The following MYO1D variants were observed in gnomAD, a reference collection of about 807,000 sequenced individuals.
MYO1D encodes myosin ID.
MYO1D carries 83 observed loss-of-function variants against 122.0 expected under a neutral mutation model. The ratio of observed to expected loss-of-function variants is 0.68; its 90% CI spans 0.57 to 0.82. The LOEUF is 0.82. MYO1D is among the 40% of genes least tolerant of loss of function. The pLI, the probability that MYO1D is intolerant of heterozygous loss-of-function variation, is 0.00. For missense variants in MYO1D, 1,157 were observed against 1,269.5 expected (o/e 0.91, Z 1.35); for synonymous variants, 464 against 446.9 (o/e 1.04, Z -0.48).
chr17:32,876,792 G>T lies in MYO1D; in HGVS notation c.81C>A (p.Ala27=), dbSNP rs1434080518. 2.0e-6 allele frequency: 3 copies of T among 1,515,622 alleles called. No homozygotes were observed. The Admixed American group carries it at 6.3e-5, about 32-fold the overall frequency. 93.9% of individuals were successfully genotyped at this position (1,515,622 alleles called of 1,614,324 possible). Reference sequence around the variant, plus strand: ...TCCGCCCTCACCTGAGCCTGAGGTTGGCCATGAACTCGGGCATGGAGACGG... The same window carrying T: ...TCCGCCCTCACCTGAGCCTGAGGTTTGCCATGAACTCGGGCATGGAGACGG... The part of the protein sequence containing the change: ...MDTVSMPEFM[A]NLRLRFEKGR... The change falls in exon 1 of 22, where the codon GCC becomes GCA. Residue 27 remains alanine, a synonymous_variant. Coordinates refer to ENST00000318217, the MANE Select transcript of MYO1D (RefSeq NM_015194.3).
At chr17:32,694,420 CT>C (rs1199860094) in intron 16 of MYO1D, among the ~76,000 whole-genome samples, 3 of 152,158 alleles carry the variant, frequency 2.0e-5, no homozygotes, top group Non-Finnish European at 4.4e-5. Flanking sequence ...ACTGTTTCTT[CT>C]TATTTAAAAT....
intron 19 of MYO1D, among the ~76,000 whole-genome samples, chr17:32,646,179 T>C (rs934613095): frequency 6.6e-6 from 1 of 152,184 alleles, no homozygotes; most frequent in African/African-American, 2.4e-5. Context: ...AAGAGCATGT[T>C]TAACCCAGTA....
chr17:32,832,310 A>AT (rs1418878608), intron 1 of MYO1D, among the ~76,000 whole-genome samples: 3 of 115,260 alleles, frequency 2.6e-5, no homozygotes, highest in African/African-American at 3.3e-5. Flanking sequence ...TTTTTTTTGT[A>AT]TTTTTTTTGA....
chr17:32,561,454 C>T (rs1260529720), intron 21 of MYO1D, among the ~76,000 whole-genome samples: 2 of 151,566 alleles, frequency 1.3e-5, no homozygotes, highest in African/African-American at 4.9e-5. Context: ...CTTTGAGAGG[C>T]CAAGGCAGGC....
chr17:32,658,334 C>T (rs1327470183), intron 17 of MYO1D, among the ~76,000 whole-genome samples: 1 of 152,040 alleles, frequency 6.6e-6, no homozygotes, highest in African/African-American at 2.4e-5. Flanking sequence ...TATGGAGTAT[C>T]ATGATAAAAT....
chr17:32,525,074 A>G (rs919087870), intron 21 of MYO1D, among the ~76,000 whole-genome samples: 1 of 152,214 alleles, frequency 6.6e-6, no homozygotes, highest in Non-Finnish European at 1.5e-5. Flanking sequence ...GGAATTCTCA[A>G]TCTGCAAGCA....
At chr17:32,535,496 C>A (rs770341759) in intron 21 of MYO1D, among the ~76,000 whole-genome samples, 3 of 152,168 alleles carry the variant, frequency 2.0e-5, no homozygotes, top group Non-Finnish European at 4.4e-5. Context: ...GCCTATAATC[C>A]CAGCACTTTG....
chr17:32,673,961 G>A (rs899084584), intron 16 of MYO1D, among the ~76,000 whole-genome samples: 10 of 152,124 alleles, frequency 6.6e-5, no homozygotes, highest in Admixed American at 5.9e-4. Flanking sequence ...TGATTAGAAT[G>A]GGAAACATCT....
intron 1 of MYO1D, among the ~76,000 whole-genome samples, chr17:32,873,420 C>G (rs933544736): frequency 6.6e-6 from 1 of 152,188 alleles, no homozygotes; most frequent in Non-Finnish European, 1.5e-5. Context: ...TCATGAGGTA[C>G]AAGCACACAT....
At chr17:32,728,674 CT>C (rs1389820907) in intron 14 of MYO1D, among the ~76,000 whole-genome samples, 1 of 152,070 alleles carries the variant, frequency 6.6e-6, no homozygotes, top group Non-Finnish European at 1.5e-5. Context: ...AAGAAAAATA[CT>C]TCTGAACAAC....
At chr17:32,656,119 C>T (rs528480890) in intron 17 of MYO1D, among the ~76,000 whole-genome samples, 1 of 152,176 alleles carries the variant, frequency 6.6e-6, no homozygotes, top group African/African-American at 2.4e-5. Flanking sequence ...ATGCTTATAT[C>T]CTCTCTTCTG....
chr17:32,649,279 C>T (rs2088349699), intron 19 of MYO1D, among the ~76,000 whole-genome samples: 1 of 152,088 alleles, frequency 6.6e-6, no homozygotes, highest in Non-Finnish European at 1.5e-5. Context: ...TGTTGTGCAG[C>T]CATCACCACT....
chr17:32,634,116 T>C (rs1007002404), intron 20 of MYO1D, among the ~76,000 whole-genome samples: 2 of 152,198 alleles, frequency 1.3e-5, no homozygotes, highest in Non-Finnish European at 2.9e-5. Context: ...GTGTGATGTA[T>C]AGATGATCTG....
At chr17:32,857,073 G>A (rs537320331) in intron 1 of MYO1D, among the ~76,000 whole-genome samples, 1 of 152,304 alleles carries the variant, frequency 6.6e-6, no homozygotes, top group African/African-American at 2.4e-5. Flanking sequence ...CTTTGGCAAA[G>A]CCATCTTCTT....
chr17:32,828,516 A>C (rs2090743568), intron 1 of MYO1D, among the ~76,000 whole-genome samples: 1 of 19,870 alleles, frequency 5.0e-5, no homozygotes, highest in South Asian at 2.5e-3. Context: ...ACTCCGTCTC[A>C]AAAAAAAAAA....
At chr17:32,564,703 G>A (rs1031920032) in intron 21 of MYO1D, among the ~76,000 whole-genome samples, 1 of 152,232 alleles carries the variant, frequency 6.6e-6, no homozygotes, top group Non-Finnish European at 1.5e-5. Context: ...GCAGCAGTGA[G>A]CACAAGACAT....
chr17:32,506,838 G>A (rs568755777), intron 21 of MYO1D, among the ~76,000 whole-genome samples: 32 of 152,312 alleles, frequency 2.1e-4, no homozygotes, highest in Admixed American at 1.4e-3. Context: ...ATTAGAGACC[G>A]GGTGCAGTGG....
At chr17:32,531,672 C>T (rs748349434) in intron 21 of MYO1D, among the ~76,000 whole-genome samples, 1 of 152,186 alleles carries the variant, frequency 6.6e-6, no homozygotes, top group African/African-American at 2.4e-5. Flanking sequence ...AGGCATTAAC[C>T]TTTTGTGTGC....
At chr17:32,700,465 C>T (rs1487797629) in intron 16 of MYO1D, among the ~76,000 whole-genome samples, 2 of 152,170 alleles carry the variant, frequency 1.3e-5, no homozygotes, top group African/African-American at 4.8e-5. Flanking sequence ...TTGGGGACCC[C>T]TGCTACAGAT....
Sources: allele counts gnomAD v4.1 joint callset (sites outside exome capture counted in the v4.1 genomes callset), GRCh38; gene constraint gnomAD v4.1.1; transcripts MANE v1.5; gene names NCBI Gene and HGNC (gene_info 2026-07-23, HGNC 2026-07-21).